The following OPA3 variants were observed in gnomAD, a reference collection of about 807,000 sequenced individuals.
The protein encoded by OPA3 is outer mitochondrial membrane lipid metabolism regulator OPA3, also known as optic atrophy 3 protein.
Under a neutral mutation model 4.0 loss-of-function variants are expected in OPA3, and 6 were observed. The ratio of observed to expected loss-of-function variants is 1.51; its 90% confidence interval spans 0.83 to 2.99. The LOEUF (loss-of-function observed/expected upper bound fraction) is 2.99, where lower values mean the gene tolerates loss of function less well. OPA3 is among the 30% of genes most tolerant of loss of function. The pLI, the probability that OPA3 is intolerant of heterozygous loss-of-function variation, is 0.00. For synonymous variants in OPA3, 105 were observed against 117.1 expected (o/e 0.90, Z 0.67); for missense variants, 235 against 256.2 (o/e 0.92, Z 0.56).
chr19:45,541,909 C>G (rs946216267), downstream of OPA3, among the ~76,000 whole-genome samples: 3 of 152,220 alleles, frequency 2.0e-5, no homozygotes, highest in African/African-American at 7.2e-5. Context: ...CGAAGAGACC[C>G]CTAGGATCCA....
chr19:45,538,113 A>C (rs1969143240), intron 1 of OPA3, among the ~76,000 whole-genome samples: 1 of 120,868 alleles, frequency 8.3e-6, no homozygotes, highest in South Asian at 3.2e-4. Flanking sequence ...AAAAAAAAAA[A>C]AAAATGCCAC....
In OPA3 at chr19:45,547,943, C is replaced by T. The variant is rs577258344; in HGVS notation, c.*5571G>A. On this transcript the variant is annotated 3_prime_UTR_variant, in exon 2 of 2. Coordinates refer to ENST00000263275, the MANE Select transcript of OPA3 (RefSeq NM_025136.4). ...AACTCCCGACCTCAGGGGATTGGCC[C>T]GCCTCGGCCTCCCAAAGTGCTGAGA... 14 of 203,900 alleles carry T rather than the reference C, an allele frequency of 6.9e-5. No individual in the cohort carries two copies. In the East Asian group the frequency reaches 9.3e-4, roughly 14 times the overall value. 12.6% of individuals were successfully genotyped at this position (203,900 alleles called of 1,614,324 possible).
intron 1 of OPA3, among the ~76,000 whole-genome samples, chr19:45,581,491 C>A (rs1276152088): frequency 6.6e-6 from 1 of 152,188 alleles, no homozygotes; most frequent in East Asian, 1.9e-4. Context: ...TGGGCTCCCC[C>A]ATCTCAGCTC....
chr19:45,570,590 G>C (rs900613685), intron 1 of OPA3, among the ~76,000 whole-genome samples: 1 of 152,154 alleles, frequency 6.6e-6, no homozygotes, highest in African/African-American at 2.4e-5. Context: ...GGGAGGCTGA[G>C]GCAGGAGAAT....
intron 1 of OPA3, among the ~76,000 whole-genome samples, chr19:45,536,526 C>T (rs1014046711): frequency 5.0e-5 from 7 of 140,878 alleles, no homozygotes; most frequent in South Asian, 2.2e-4. Context: ...CCACTCTTGG[C>T]GACAAGAGTG....
At chr19:45,561,495 T>C (rs1969502001) in intron 1 of OPA3, among the ~76,000 whole-genome samples, 1 of 152,166 alleles carries the variant, frequency 6.6e-6, no homozygotes, top group South Asian at 2.1e-4. Context: ...TAGTGACTGC[T>C]AGAGCCCACG....
intron 1 of OPA3, among the ~76,000 whole-genome samples, chr19:45,539,174 G>A (rs1342043737): frequency 2.6e-5 from 4 of 152,152 alleles, no homozygotes; most frequent in Non-Finnish European, 4.4e-5. Context: ...ATGACAACTC[G>A]AGATGAGATT....
At chr19:45,529,846 G>A (rs899463067) in intron 1 of OPA3, among the ~76,000 whole-genome samples, 1 of 151,254 alleles carries the variant, frequency 6.6e-6, no homozygotes. Flanking sequence ...TCCTCCTCCC[G>A]CCTCAGCCTC....
intron 1 of OPA3, among the ~76,000 whole-genome samples, chr19:45,572,833 A>C (rs578021380): frequency 1.2e-4 from 17 of 143,924 alleles, no homozygotes; most frequent in South Asian, 6.4e-4. Flanking sequence ...ATCTCGATAT[A>C]TATCTATCTA....
rs1025178850 is a variant in OPA3, at chr19:45,538,422, A to G, written c.143-8966T>C. On this transcript the variant is annotated intron_variant, in intron 1 of 1. Transcript: ENST00000323060. ...GGCAAAAGAGTGAGTCCCTATCTCA[A>G]GAAAAAAGCAAGTGAGGCCAGGCAC... Among the ~76,000 whole-genome samples the G allele has an allele frequency of 5.3e-5, 8 of 152,150 alleles. No individual in the cohort carries two copies. The East Asian group carries it at 1.5e-3, about 29-fold the overall frequency.
Position 45,548,576 on chromosome 19 carries a change from G to T in OPA3, c.*4938C>A. On this transcript the variant is annotated 3_prime_UTR_variant, in exon 2 of 2. Transcript: ENST00000263275. ...GTAAGACCCGGTGACGGCAGGGCTGGGGCTGTCTCTGTCACCACTGTGACC... is the reference window on the plus strand; with the variant it reads ...GTAAGACCCGGTGACGGCAGGGCTGTGGCTGTCTCTGTCACCACTGTGACC... 1.0e-6 allele frequency: 1 copy of T among 985,344 alleles called. No individual in the cohort carries two copies. The highest frequency in any genetic ancestry group is 1.2e-6 in the Non-Finnish European group (1 of 829,920). The allele number at this position is 985,344 out of a possible 1,614,324, so 61.0% of individuals were successfully genotyped here.
intron 1 of OPA3, among the ~76,000 whole-genome samples, chr19:45,567,113 G>A (rs1413635336): frequency 1.3e-5 from 2 of 152,076 alleles, no homozygotes; most frequent in African/African-American, 4.8e-5. Flanking sequence ...GCCAAGCGGT[G>A]AGGATCACCT....
Position 45,550,750 on chromosome 19 carries a change from T to C in OPA3, c.*2764A>G. The C allele has an allele frequency of 9.1e-6, 9 of 985,902 alleles. No homozygotes were observed. Among genetic ancestry groups the C allele is most frequent in the South Asian group, 9.4e-5 (2 of 21,282 alleles). The allele number at this position is 985,902 out of a possible 1,614,324, so 61.1% of individuals were successfully genotyped here. A position where few individuals can be genotyped will look rare whatever the true frequency, so the allele number is the denominator to read the frequency against. On this transcript the variant is annotated 3_prime_UTR_variant, in exon 2 of 2. Coordinates refer to ENST00000263275, the MANE Select transcript of OPA3 (RefSeq NM_025136.4). ...CCCATTGTGGAGATCCACATGGTGG[T>C]TCAGGTACAGCCTCAGGATGCCTTC...
At chr19:45,533,645 GCAGGC>G (rs892657471) in intron 1 of OPA3, among the ~76,000 whole-genome samples, 4 of 152,126 alleles carry the variant, frequency 2.6e-5, no homozygotes, top group South Asian at 2.1e-4. Context: ...GTACTCCAGG[GCAGGC>G]CAGGCCAGGC....
intron 1 of OPA3, among the ~76,000 whole-genome samples, chr19:45,535,511 C>T (rs1166679808): frequency 6.6e-6 from 1 of 151,348 alleles, no homozygotes; most frequent in Non-Finnish European, 1.5e-5. Context: ...GGACACAACA[C>T]CATGCCTGGC....
chr19:45,561,607 A>G (rs1273877496), intron 1 of OPA3, among the ~76,000 whole-genome samples: 1 of 152,172 alleles, frequency 6.6e-6, no homozygotes, highest in Non-Finnish European at 1.5e-5. Flanking sequence ...AGGTTATTTA[A>G]TATGGGAGAG....
At chr19:45,564,501 C>G (rs1453071438) in intron 1 of OPA3, among the ~76,000 whole-genome samples, 1 of 152,184 alleles carries the variant, frequency 6.6e-6, no homozygotes, top group Non-Finnish European at 1.5e-5. Context: ...GTTCCTCTGG[C>G]ATGGGGCTGG....
intron 1 of OPA3, among the ~76,000 whole-genome samples, chr19:45,568,072 C>G (rs1969609336): frequency 6.6e-6 from 1 of 152,170 alleles, no homozygotes; most frequent in African/African-American, 2.4e-5. Context: ...GATCTCAGCT[C>G]ACTACAACCT....
At chr19:45,539,777 T>C (rs1969162534) in intron 1 of OPA3, among the ~76,000 whole-genome samples, 1 of 151,234 alleles carries the variant, frequency 6.6e-6, no homozygotes, top group South Asian at 2.1e-4. Context: ...AGGAATGAGA[T>C]ATTCATGCAA....
Sources: allele counts gnomAD v4.1 joint callset (sites outside exome capture counted in the v4.1 genomes callset), GRCh38; gene constraint gnomAD v4.1.1; transcripts MANE v1.5; gene names NCBI Gene and HGNC (gene_info 2026-07-23, HGNC 2026-07-21).